TBCD: variants seen among roughly 807,000 people sequenced by gnomAD.
TBCD encodes tubulin-specific chaperone D.
Under a neutral mutation model 169.3 loss-of-function variants are expected in TBCD, and 105 were observed. The observed-to-expected ratio is 0.62, with a 90% CI of 0.53 to 0.73. The LOEUF is 0.73. TBCD is among the 30% of genes least tolerant of loss of function. The pLI, the probability that TBCD is intolerant of heterozygous loss-of-function variation, is 0.00. For missense variants in TBCD, 1,444 were observed against 1,600.1 expected, an observed-to-expected ratio of 0.90 and a Z score of 1.66; for synonymous variants, 700 against 643.9, an observed-to-expected ratio of 1.09 and a Z score of -1.32.
In TBCD at chr17:82,782,632, C is replaced by T. The variant is rs991471467; in HGVS notation, c.771+911C>T. On this transcript the variant is annotated intron_variant, in intron 7 of 38. Coordinates refer to ENST00000355528, the MANE Select transcript of TBCD (RefSeq NM_005993.5). This position sits in a 1 kb window ranked among gnomAD's most constrained non-coding sequence, Gnocchi z 5.1. ...AAGTGCTGGGATTACAGGCTTGAGC[C>T]GCCGCGCCTGGAAGGACACTTTGGA... Among the ~76,000 whole-genome samples the T allele has an allele frequency of 5.9e-5, 9 of 152,184 alleles. No individual in the cohort carries two copies. Among genetic ancestry groups the T allele is most frequent in the Non-Finnish European group, 7.3e-5 (5 of 68,036 alleles).
chr17:82,886,543 A>G (rs1013556205), intron 15 of TBCD, among the ~76,000 whole-genome samples: 1 of 149,080 alleles, frequency 6.7e-6, no homozygotes, highest in African/African-American at 2.5e-5. Flanking sequence ...AAGATTTTAA[A>G]TCTTTTTCTT....
At chr17:82,869,654 G>C (rs1265703081) in intron 13 of TBCD, among the ~76,000 whole-genome samples, 1 of 152,270 alleles carries the variant, frequency 6.6e-6, no homozygotes, top group East Asian at 1.9e-4. Flanking sequence ...TAGGAGCCCT[G>C]CATGGGTTAT....
At chr17:82,921,881 C>T (rs1029195808) in intron 25 of TBCD, among the ~76,000 whole-genome samples, 5 of 152,038 alleles carry the variant, frequency 3.3e-5, no homozygotes, top group Admixed American at 2.6e-4. Flanking sequence ...CTGTTGAGTT[C>T]CGTGTCCTGT....
intron 13 of TBCD, among the ~76,000 whole-genome samples, chr17:82,852,156 A>C: frequency 7.9e-6 from 1 of 126,326 alleles, no homozygotes; most frequent in Non-Finnish European, 1.7e-5. Context: ...CAGATGGATA[A>C]ACCCCCCCTC....
chr17:82,937,885 G>A lies in TBCD; in HGVS notation c.3282-164G>A, dbSNP rs1384330390. On this transcript the variant is annotated intron_variant, in intron 35 of 38. Transcript: ENST00000355528. ...CGACACTCGTGTGTGTAGGCACAGTGCAGATGTACGCACACACACACCTCC... is the reference window on the plus strand; with the variant it reads ...CGACACTCGTGTGTGTAGGCACAGTACAGATGTACGCACACACACACCTCC... 1.4e-5 allele frequency: 22 copies of A among 1,526,040 alleles called. No individual in the cohort carries two copies. In the East Asian group the frequency reaches 4.9e-4, roughly 34 times the overall value. 94.5% of individuals were successfully genotyped at this position (1,526,040 alleles called of 1,614,324 possible).
Position 82,802,199 on chromosome 17 carries a change from G to A in TBCD, c.950+1203G>A, listed in dbSNP as rs145507728. Among the ~76,000 whole-genome samples the A allele has an allele frequency of 1.2e-3, 181 of 149,646 alleles. No homozygotes were observed. In the Middle Eastern group the frequency reaches 0.021, roughly 17 times the overall value. On this transcript the variant is annotated intron_variant, in intron 9 of 38. Transcript: ENST00000355528. ...AGTCTGTAGCGGCCGGTGTGAACGG[G>A]TTGGTTCTCAAGGAGACAGACTTTT...
intron 13 of TBCD, among the ~76,000 whole-genome samples, chr17:82,827,403 T>C (rs2052950819): frequency 6.6e-6 from 1 of 152,158 alleles, no homozygotes; most frequent in African/African-American, 2.4e-5. Context: ...AGAGGGGACA[T>C]GGGGATGGAG....
Position 82,923,705 on chromosome 17 carries a change from G to A in TBCD, c.2232G>A (p.Glu744=), listed in dbSNP as rs1490141493. 2 of 1,599,338 alleles carry A rather than the reference G, an allele frequency of 1.3e-6. No homozygotes were observed. The highest frequency in any genetic ancestry group is 2.2e-5 in the East Asian group (1 of 44,478). Reference sequence around the variant, plus strand: ...TATGCAGTGAATATTACATGAAGGAGCCGGGGGAGGCAGATCCCGCAATTC... The same window carrying A: ...TATGCAGTGAATATTACATGAAGGAACCGGGGGAGGCAGATCCCGCAATTC... ...AALCSEYYMK[E]PGEADPAIQE... is the part of the protein sequence containing the mutation. Residue 744 remains glutamate, a synonymous_variant, in exon 26 of 39, where the codon GAG becomes GAA. Coordinates refer to ENST00000355528, the MANE Select transcript of TBCD (RefSeq NM_005993.5). The surrounding 1 kb of genome is among the most constrained non-coding windows in gnomAD (Gnocchi z 4.6).
chr17:82,908,332 A>G, intron 21 of TBCD: 1 of 456,776 alleles, frequency 2.2e-6, no homozygotes, highest in South Asian at 1.5e-5. Context: ...TGTCTCCTGA[A>G]AGTAAAGCAG....
At chr17:82,767,198 G>A (rs2048057067) in intron 4 of TBCD, among the ~76,000 whole-genome samples, 1 of 152,056 alleles carries the variant, frequency 6.6e-6, no homozygotes, top group African/African-American at 2.4e-5. Flanking sequence ...TGTCTTCTGC[G>A]TGGTATGTAT....
At chr17:82,756,720 C>T (rs947380808) in intron 2 of TBCD, among the ~76,000 whole-genome samples, 1 of 152,156 alleles carries the variant, frequency 6.6e-6, no homozygotes, top group Admixed American at 6.5e-5. Flanking sequence ...CCTCGTGATC[C>T]GCCTGCCTCG....
chr17:82,910,689 C>A (rs1165931207), intron 22 of TBCD, among the ~76,000 whole-genome samples: 1 of 152,126 alleles, frequency 6.6e-6, no homozygotes, highest in African/African-American at 2.4e-5. Flanking sequence ...TCTCAGCCTC[C>A]CGGGTAGCTG....
rs115086426 is a variant in TBCD, at chr17:82,917,770, G to A, written c.2039-2786G>A. On this transcript the variant is annotated intron_variant, in intron 23 of 38. Coordinates refer to ENST00000355528, the MANE Select transcript of TBCD (RefSeq NM_005993.5). ...GAGGGCTCTACCGCTTCTCCCTTTG[G>A]TCATCCTGGACTCCCGTTCTCCTGC... Among the ~76,000 whole-genome samples, 1,201 of 152,294 alleles carry A rather than the reference G, an allele frequency of 7.9e-3. 16 individuals carry two copies. The highest frequency in any genetic ancestry group is 0.028 in the African/African-American group (1,146 of 41,542).
chr17:82,897,831 C>A (rs555773894), intron 17 of TBCD, among the ~76,000 whole-genome samples: 1 of 152,226 alleles, frequency 6.6e-6, no homozygotes, highest in Non-Finnish European at 1.5e-5. Flanking sequence ...ACTGTGTGGA[C>A]GCCCCACATT....
intron 18 of TBCD, among the ~76,000 whole-genome samples, chr17:82,900,985 GTT>G (rs2059850665): frequency 1.3e-5 from 2 of 152,394 alleles, no homozygotes; most frequent in East Asian, 3.9e-4. Flanking sequence ...ACGCTGGCGT[GTT>G]GTGGAGTGCC....
chr17:82,829,856 T>C, intron 13 of TBCD: 2 of 455,112 alleles, frequency 4.4e-6, no homozygotes, highest in East Asian at 7.5e-5. Context: ...AGGAAACATT[T>C]ATAAAAGATC....
rs2059014032 is a variant in TBCD at position 82,889,946 on chromosome 17, C to T, written c.1563+249C>T. Among the ~76,000 whole-genome samples the T allele has an allele frequency of 1.3e-5, 2 of 152,240 alleles. No homozygotes were observed. The highest frequency in any genetic ancestry group is 2.9e-5 in the Non-Finnish European group (2 of 68,042). ...GTGCTTTACACGTTGCCAAGAGCCA[C>T]ATAATGTGGCTCTGCAGGGTGGGGC... On this transcript the variant is annotated intron_variant, in intron 16 of 38. Coordinates refer to ENST00000355528, the MANE Select transcript of TBCD (RefSeq NM_005993.5). The surrounding 1 kb of genome is among the most constrained non-coding windows in gnomAD (Gnocchi z 5.3).
At chr17:82,932,443 C>T (rs1324907228) in intron 33 of TBCD, among the ~76,000 whole-genome samples, 1 of 152,258 alleles carries the variant, frequency 6.6e-6, no homozygotes, top group Non-Finnish European at 1.5e-5. Flanking sequence ...TCTATCCCTT[C>T]CACTTTACCA....
chr17:82,938,509 T>C (rs900097644), intron 36 of TBCD, among the ~76,000 whole-genome samples: 12 of 152,116 alleles, frequency 7.9e-5, no homozygotes, highest in African/African-American at 1.2e-4. Flanking sequence ...TTCTCCTGGC[T>C]GCAAAAAAAA....
Sources: allele counts gnomAD v4.1 joint callset (sites outside exome capture counted in the v4.1 genomes callset), GRCh38; gene constraint gnomAD v4.1.1; non-coding constraint Gnocchi (gnomAD v3.1); transcripts MANE v1.5; gene names NCBI Gene and HGNC (gene_info 2026-07-23, HGNC 2026-07-21).